Variants in KIAA0753 observed in about 807,000 individuals in gnomAD.
KIAA0753 encodes the protein protein moonraker.
KIAA0753 carries 114 observed loss-of-function variants against 116.9 expected under a neutral mutation model. The observed-to-expected ratio is 0.98, with a 90% CI of 0.84 to 1.14. KIAA0753 has a LOEUF of 1.14. Among genes scored for constraint, KIAA0753 ranks in the 50% most tolerant of loss-of-function variants. The pLI, the probability that KIAA0753 is intolerant of heterozygous loss-of-function variation, is 0.00. For missense variants in KIAA0753, 1,156 were observed against 1,172.4 expected, an observed-to-expected ratio of 0.99 and a Z score of 0.20; for synonymous variants, 405 against 413.1, an observed-to-expected ratio of 0.98 and a Z score of 0.24.
chr17:6,600,542 G>C (rs941707882), intron 12 of KIAA0753, 84 bp from the exon 13 acceptor site: 7 of 1,054,362 alleles, frequency 6.6e-6, no homozygotes, highest in African/African-American at 1.6e-5. Context: ...CCAGGAGAAG[G>C]GAAATAAAAT....
Position 6,596,252 on chromosome 17 carries a change from G to T in KIAA0753, c.2264C>A (p.Ala755Asp). The T allele has an allele frequency of 6.2e-7, 1 of 1,613,754 alleles. No individual in the cohort carries two copies. The highest frequency in any genetic ancestry group is 1.1e-5 in the South Asian group (1 of 91,066). ...CASELWAVTH[A>D]KILGSETLAT... ...TAAGGTTTCAGACCCCAAGATCTTA[G>T]CATGAGTCACAGCCCAGAGCTCACT... is the stretch of plus-strand genomic sequence containing the variant. The change falls in exon 15 of 19, where the codon GCT (alanine) becomes GAT (aspartate). Residue 755 changes from alanine (A) to aspartate (D), a missense_variant. Transcript: ENST00000361413.
chr17:6,619,831 AAG>A (rs1247032349), intron 7 of KIAA0753, among the ~76,000 whole-genome samples: 2 of 152,248 alleles, frequency 1.3e-5, no homozygotes, highest in Admixed American at 6.5e-5. Flanking sequence ...AGAGAAATAA[AAG>A]AGTTAACTAA....
intron 15 of KIAA0753, among the ~76,000 whole-genome samples, chr17:6,595,586 TGA>T (rs1175453691): frequency 1.3e-5 from 2 of 152,262 alleles, no homozygotes; most frequent in African/African-American, 4.8e-5. Context: ...AACGCTGAAT[TGA>T]GAGTCAGGAG....
Position 6,635,011 on chromosome 17 carries a change from C to T in KIAA0753, c.93G>A (p.Gln31=). 6.3e-7 allele frequency: 1 copy of T among 1,577,702 alleles called. No individual in the cohort carries two copies. Among genetic ancestry groups the T allele is most frequent in the Non-Finnish European group, 8.7e-7 (1 of 1,146,718 alleles). ...GRSDPKVLQT[Q]NQLQFNRNVP... The stretch of plus-strand genomic sequence containing the variant: ...AAATCTCAGGCAAAAATAGAACTAC[C>T]TGGGTCTGAAGTACTTTGGGGTCGC... Residue 31 remains glutamine, a splice_region_variant and synonymous_variant, in exon 2 of 19, where the codon CAG becomes CAA. Transcript: ENST00000361413.
Position 6,600,380 on chromosome 17 carries a change from C to G in KIAA0753, c.2088G>C (p.Gln696His). 3 of 1,612,650 alleles carry G rather than the reference C, an allele frequency of 1.9e-6. No individual in the cohort carries two copies. Among genetic ancestry groups the G allele is most frequent in the Non-Finnish European group, 2.5e-6 (3 of 1,178,788 alleles). ...AAATGAAACGAACTAGATAGATTAC[C>G]TGGGCCTTGACCAAGAGAGGCTTCA... is the stretch of plus-strand genomic sequence containing the variant. ...DRLKPLLVKA[Q>H]RVNSTTEANI... The change falls in exon 13 of 19, where the codon CAG becomes CAC. Residue 696 changes from glutamine to histidine, a missense_variant and splice_region_variant. By Grantham distance (24) the Gln-to-His change is conservative. Transcript: ENST00000361413.
At chr17:6,619,835 G>A (rs1013386135) in intron 7 of KIAA0753, among the ~76,000 whole-genome samples, 9 of 152,146 alleles carry the variant, frequency 5.9e-5, no homozygotes, top group African/African-American at 1.7e-4. Flanking sequence ...AAATAAAAGA[G>A]TTAACTAACA....
rs2304977 is a variant in KIAA0753, at chr17:6,610,009, G to A, written c.1697C>T (p.Pro566Leu). The A allele has an allele frequency of 0.36, 582,750 of 1,613,588 alleles. 109,477 individuals are homozygous for A. Among genetic ancestry groups the A allele is most frequent in the Admixed American group, 0.45 (27,053 of 59,990 alleles). The change falls in exon 9 of 19, where the codon CCA (proline) becomes CTA (leucine). Residue 566 changes from proline (P) to leucine (L), a missense_variant. Transcript: ENST00000361413. ...PWIPPNPTSP[P>L]ASPKCAAWLK... is the part of the protein sequence containing the mutation. ...TTTCACATACCATTTAGGAGACGCT[G>A]GTGGGGATGTGGGGTTTGGGGGTAT...
At chr17:6,622,205 GA>G (rs1971371532) in intron 6 of KIAA0753, among the ~76,000 whole-genome samples, 1 of 152,168 alleles carries the variant, frequency 6.6e-6, no homozygotes, top group Non-Finnish European at 1.5e-5. Flanking sequence ...TAGCTCTCAA[GA>G]AAAATAACTG....
intron 3 of KIAA0753, among the ~76,000 whole-genome samples, chr17:6,625,877 T>C (rs868519734): frequency 5.2e-4 from 79 of 152,244 alleles, no homozygotes; most frequent in African/African-American, 1.7e-3. Context: ...AATTTTTGTA[T>C]CTTTAGTAGA....
At chr17:6,602,130 A>T (rs1239575870) in intron 12 of KIAA0753, among the ~76,000 whole-genome samples, 1 of 152,254 alleles carries the variant, frequency 6.6e-6, no homozygotes, top group Non-Finnish European at 1.5e-5. Context: ...GTTAGCAAGG[A>T]TGTGAAACCA....
chr17:6,581,281 G>A (rs951043603), intron 18 of KIAA0753, among the ~76,000 whole-genome samples: 1 of 151,730 alleles, frequency 6.6e-6, no homozygotes, highest in African/African-American at 2.4e-5. Flanking sequence ...TTTTTTTGGG[G>A]GGGTGGGGAG....
In KIAA0753 at chr17:6,612,130, G is replaced by C. The variant is rs79720908; in HGVS notation, c.1334C>G (p.Thr445Arg). 1.2e-6 allele frequency: 2 copies of C among 1,612,716 alleles called. No homozygotes were observed. The highest frequency in any genetic ancestry group is 1.3e-5 in the African/African-American group (1 of 74,782). ...CAACCTCTGGGTCTCCGGAAGCTCCGTATCGGGCTGATACTTATCTACATG... is the reference window on the plus strand; with the variant it reads ...CAACCTCTGGGTCTCCGGAAGCTCCCTATCGGGCTGATACTTATCTACATG... ...QLLADKYQPD[T>R]ELPETQRLQS... Residue 445 changes from threonine to arginine, a missense_variant, in exon 8 of 19, where the codon ACG (threonine) becomes AGG (arginine). Thr to Arg is a moderately conservative substitution (Grantham distance 71, BLOSUM62 -1). Transcript: ENST00000361413.
rs33914667 is a variant in KIAA0753 at position 6,580,899 on chromosome 17, TACACACACAC to T, written c.2787-1045_2787-1036del. Among the ~76,000 whole-genome samples, 300 of 144,032 alleles carry T rather than the reference TACACACACAC, an allele frequency of 2.1e-3. 18 individuals are homozygous for T. In the South Asian group the frequency reaches 0.064, roughly 31 times the overall value. 94.5% of individuals were successfully genotyped at this position (144,032 alleles called of 152,430 possible). A position where few individuals can be genotyped will look rare whatever the true frequency, so the allele number is the denominator to read the frequency against. Reference sequence around the variant, plus strand: ...GGGACTCTGCACGGGTGCTCCTCTGTACACACACACACACACACACACACACACACACCTT... The same window carrying T: ...GGGACTCTGCACGGGTGCTCCTCTGTACACACACACACACACACACACCTT... On this transcript the variant is annotated intron_variant, in intron 18 of 18. Coordinates refer to ENST00000361413, the MANE Select transcript of KIAA0753 (RefSeq NM_014804.3).
intron 3 of KIAA0753, among the ~76,000 whole-genome samples, chr17:6,627,409 C>CT (rs1406373103): frequency 2.6e-5 from 4 of 152,162 alleles, no homozygotes; most frequent in Admixed American, 2.6e-4. Context: ...TAATTCTAGA[C>CT]TATGTACTAC....
intron 3 of KIAA0753, among the ~76,000 whole-genome samples, chr17:6,625,402 C>G (rs1464297760): frequency 6.6e-6 from 1 of 152,088 alleles, no homozygotes; most frequent in Non-Finnish European, 1.5e-5. Flanking sequence ...AGTGGTGGCT[C>G]ACCCCTATAA....
At position 6,579,508 on chromosome 17, in the gene KIAA0753, G is replaced by A; in HGVS notation, c.*239C>T. Reference sequence around the variant, plus strand: ...ATTCTGAAAATATTGCCATAATCAAGTTGTGTTGCCTGGGCACTGATAAGT... The same window carrying A: ...ATTCTGAAAATATTGCCATAATCAAATTGTGTTGCCTGGGCACTGATAAGT... On this transcript the variant is annotated 3_prime_UTR_variant, in exon 19 of 19. Transcript: ENST00000361413. 2 of 433,214 alleles carry A rather than the reference G, an allele frequency of 4.6e-6. No individual in the cohort carries two copies. Among genetic ancestry groups the A allele is most frequent in the Non-Finnish European group, 8.4e-6 (2 of 239,128 alleles). The allele number at this position is 433,214 out of a possible 1,614,324, so 26.8% of individuals were successfully genotyped here.
At chr17:6,584,688 A>G (rs1210655288) in intron 18 of KIAA0753, among the ~76,000 whole-genome samples, 1 of 152,168 alleles carries the variant, frequency 6.6e-6, no homozygotes, top group Admixed American at 6.5e-5. Context: ...TTGTCCTGGA[A>G]AGGTTTTTGC....
chr17:6,612,725 A>G (rs1264807735), intron 7 of KIAA0753, among the ~76,000 whole-genome samples: 1 of 152,146 alleles, frequency 6.6e-6, no homozygotes, highest in Non-Finnish European at 1.5e-5. Flanking sequence ...AAAATTAGCC[A>G]GACATGGTGG....
In KIAA0753 at chr17:6,639,548, G is replaced by C. The variant is rs1972532411; in HGVS notation, c.-69+1089C>G. 6.5e-6 allele frequency: 1 copy of C among 152,942 alleles called. No homozygotes were observed. Among genetic ancestry groups the C allele is most frequent in the Non-Finnish European group, 1.5e-5 (1 of 68,462 alleles). The allele number at this position is 152,942 out of a possible 1,614,324, so 9.5% of individuals were successfully genotyped here. On this transcript the variant is annotated intron_variant, in intron 1 of 18. Transcript: ENST00000361413. This position sits in a 1 kb window ranked among gnomAD's most constrained non-coding sequence, Gnocchi z 4.3. The stretch of plus-strand genomic sequence containing the variant: ...CTCGCAGGAGGCACCCTCCCAGCCT[G>C]TCCCTGTCCACAGAAGCCTAAGGCT...
Sources: allele counts gnomAD v4.1 joint callset (sites outside exome capture counted in the v4.1 genomes callset), GRCh38; gene constraint gnomAD v4.1.1; non-coding constraint Gnocchi (gnomAD v3.1); transcripts MANE v1.5; gene names NCBI Gene and HGNC (gene_info 2026-07-23, HGNC 2026-07-21).